The following ZNF521 variants were observed in gnomAD, a reference collection of about 807,000 sequenced individuals.
ZNF521 encodes zinc finger protein 521, also known as LYST-interacting protein 3.
A neutral mutation model predicts 105.5 loss-of-function variants in ZNF521; 14 were observed. That is an observed-to-expected ratio of 0.13 (90% CI 0.09 to 0.21). ZNF521 has a LOEUF of 0.21. ZNF521 is among the 10% of genes least tolerant of loss of function. The pLI is 1.00. For synonymous variants in ZNF521, 635 were observed against 606.0 expected, an observed-to-expected ratio of 1.05 and a Z score of -0.70; for missense variants, 1,233 against 1,629.7, an observed-to-expected ratio of 0.76 and a Z score of 4.19.
chr18:25,272,872 G>A (rs1325738558), intron 3 of ZNF521, among the ~76,000 whole-genome samples: 1 of 151,758 alleles, frequency 6.6e-6, no homozygotes, highest in East Asian at 1.9e-4. Flanking sequence ...TAACAAACCT[G>A]CACATTCTGC....
chr18:25,075,033 C>T (rs1227018077), intron 7 of ZNF521, among the ~76,000 whole-genome samples: 1 of 152,136 alleles, frequency 6.6e-6, no homozygotes, highest in African/African-American at 2.4e-5. Flanking sequence ...GAAAGAAAGA[C>T]AGTCCTGACT....
intron 5 of ZNF521, among the ~76,000 whole-genome samples, chr18:25,162,147 C>A (rs887221089): frequency 2.6e-5 from 4 of 152,100 alleles, no homozygotes; most frequent in African/African-American, 4.8e-5. Context: ...ATGAAGAGAA[C>A]AATGACTGTG....
chr18:25,338,259 T>TTTTGTGTGTGTGTGTGTG (rs1555666852), intron 2 of ZNF521, among the ~76,000 whole-genome samples: 7 of 136,510 alleles, frequency 5.1e-5, no homozygotes, highest in African/African-American at 1.9e-4. Context: ...TCATAGACTT[T>TTTTGTGTGTGTGTGTGTG]TGTGTGTGTG....
chr18:25,262,359 A>T (rs1908968871), intron 3 of ZNF521, among the ~76,000 whole-genome samples: 1 of 152,230 alleles, frequency 6.6e-6, no homozygotes, highest in Non-Finnish European at 1.5e-5. Flanking sequence ...ACTCCAAAAT[A>T]TCTTTCCTCA....
chr18:25,342,577 C>G (rs1194786994), intron 2 of ZNF521, among the ~76,000 whole-genome samples: 2 of 96,192 alleles, frequency 2.1e-5, no homozygotes, highest in East Asian at 3.3e-4. Context: ...TACAGGCGCC[C>G]GTCACCACGC....
At chr18:25,239,978 CATCTT>C (rs148410911) in intron 3 of ZNF521, among the ~76,000 whole-genome samples, 194 of 151,684 alleles carry the variant, frequency 1.3e-3, no homozygotes, top group African/African-American at 4.6e-3. Flanking sequence ...TTTTTCAAGC[CATCTT>C]ATCTTATCAC....
chr18:25,196,770 C>CT (rs1192768217), intron 4 of ZNF521, among the ~76,000 whole-genome samples: 2 of 151,732 alleles, frequency 1.3e-5, no homozygotes, highest in African/African-American at 4.8e-5. Flanking sequence ...ACATCTATCC[C>CT]TTTTTTAACA....
At chr18:25,295,274 A>G (rs1427853770) in intron 3 of ZNF521, among the ~76,000 whole-genome samples, 1 of 152,158 alleles carries the variant, frequency 6.6e-6, no homozygotes, top group Non-Finnish European at 1.5e-5. Context: ...ATTCTTTGTC[A>G]TCTTGTTTCT....
chr18:25,338,651 A>G (rs1359344878), intron 2 of ZNF521, among the ~76,000 whole-genome samples: 1 of 152,084 alleles, frequency 6.6e-6, no homozygotes. Flanking sequence ...AGCTCAGGCG[A>G]TCCCCCCGCC....
At chr18:25,292,571 T>G (rs1049015873) in intron 3 of ZNF521, among the ~76,000 whole-genome samples, 1 of 152,058 alleles carries the variant, frequency 6.6e-6, no homozygotes, top group African/African-American at 2.4e-5. Context: ...AAGTGGATAG[T>G]GAGGTGGTAA....
At chr18:25,078,023 C>T (rs1400348688) in intron 7 of ZNF521, among the ~76,000 whole-genome samples, 1 of 152,156 alleles carries the variant, frequency 6.6e-6, no homozygotes, top group Non-Finnish European at 1.5e-5. Flanking sequence ...GTACTCCGGG[C>T]TCCTCTGGAG....
intron 5 of ZNF521, among the ~76,000 whole-genome samples, chr18:25,158,259 A>G (rs1267789662): frequency 6.6e-6 from 1 of 152,094 alleles, no homozygotes; most frequent in East Asian, 1.9e-4. Context: ...AAGATCATAT[A>G]TATATTTAAA....
chr18:25,300,402 G>A (rs890394996), intron 3 of ZNF521, among the ~76,000 whole-genome samples: 3 of 152,084 alleles, frequency 2.0e-5, no homozygotes, highest in African/African-American at 7.2e-5. Context: ...CAATATGATA[G>A]GTAGACATAT....
intron 3 of ZNF521, 45 bp downstream of exon 3, chr18:25,321,963 A>T: frequency 6.5e-7 from 1 of 1,545,908 alleles, no homozygotes; most frequent in East Asian, 2.3e-5. Context: ...AAAAATCAGA[A>T]ATAGAACAGT....
At chr18:25,101,270 G>A (rs988799846) in intron 5 of ZNF521, among the ~76,000 whole-genome samples, 6 of 151,934 alleles carry the variant, frequency 3.9e-5, no homozygotes, top group African/African-American at 1.2e-4. Context: ...TAGTACTCAC[G>A]GGATGTGAAA....
rs546724012 is a variant in ZNF521, at chr18:25,148,698, G to A, written c.3658+46462C>T. 1.9e-4 allele frequency among the ~76,000 whole-genome samples: 29 copies of A among 152,038 alleles called. No homozygotes were observed. In the South Asian group the frequency reaches 4.2e-3, roughly 22 times the overall value. Reference sequence around the variant, plus strand: ...CTGTGTTTTGTGAGTGACAAATTTCGGTCATAGTCAGTGAAGGATTGGTTT... The same window carrying A: ...CTGTGTTTTGTGAGTGACAAATTTCAGTCATAGTCAGTGAAGGATTGGTTT... On this transcript the variant is annotated intron_variant, in intron 5 of 7. Transcript: ENST00000361524.
intron 7 of ZNF521, among the ~76,000 whole-genome samples, chr18:25,071,185 CAT>C (rs780861683): frequency 1.3e-4 from 20 of 152,330 alleles, no homozygotes; most frequent in African/African-American, 4.1e-4. Flanking sequence ...ACATATACCA[CAT>C]GAGACTGTAC....
chr18:25,231,766 C>T (rs118069369), intron 3 of ZNF521, among the ~76,000 whole-genome samples: 11 of 152,134 alleles, frequency 7.2e-5, no homozygotes, highest in African/African-American at 4.8e-5. Flanking sequence ...TATGATTAAG[C>T]GGGTCTTAAT....
chr18:25,209,940 T>A (rs963157710), intron 4 of ZNF521, among the ~76,000 whole-genome samples: 1 of 152,216 alleles, frequency 6.6e-6, no homozygotes, highest in African/African-American at 2.4e-5. Context: ...AACTATGTTT[T>A]TTCCACTTCA....
Sources: allele counts gnomAD v4.1 joint callset (sites outside exome capture counted in the v4.1 genomes callset), GRCh38; gene constraint gnomAD v4.1.1; transcripts MANE v1.5; gene names NCBI Gene and HGNC (gene_info 2026-07-23, HGNC 2026-07-21).